The following GPC5 variants were observed in gnomAD, a reference collection of about 807,000 sequenced individuals.
GPC5 encodes glypican-5.
GPC5 carries 47 observed loss-of-function variants against 53.9 expected under a neutral mutation model. The ratio of observed to expected loss-of-function variants is 0.87; its 90% CI spans 0.69 to 1.11. The LOEUF (loss-of-function observed/expected upper bound fraction) is 1.11, where lower values mean the gene tolerates loss of function less well. Ranked by LOEUF, GPC5 falls within the 50% of genes most tolerant of loss-of-function variation. GPC5 has a pLI of 0.00. For missense variants in GPC5, 748 were observed against 713.1 expected (o/e 1.05, Z -0.56); for synonymous variants, 286 against 263.3 (o/e 1.09, Z -0.84).
At chr13:92,677,661 T>C (rs1886991887) in intron 7 of GPC5, among the ~76,000 whole-genome samples, 1 of 152,054 alleles carries the variant, frequency 6.6e-6, no homozygotes, top group Non-Finnish European at 1.5e-5. Context: ...AAGAAAGAAA[T>C]CAGAACAGAC....
intron 2 of GPC5, among the ~76,000 whole-genome samples, chr13:91,490,968 T>A (rs764115249): frequency 6.6e-6 from 1 of 152,106 alleles, no homozygotes; most frequent in Non-Finnish European, 1.5e-5. Context: ...TCCCCCACCA[T>A]AGGTCCTTCA....
At chr13:92,094,574 A>AT (rs1291170444) in intron 6 of GPC5, among the ~76,000 whole-genome samples, 1 of 149,704 alleles carries the variant, frequency 6.7e-6, no homozygotes, top group Admixed American at 6.7e-5. Context: ...CATTTATATT[A>AT]TTTTCAAAAA....
chr13:92,664,739 A>G (rs1174922149), intron 7 of GPC5, among the ~76,000 whole-genome samples: 1 of 152,186 alleles, frequency 6.6e-6, no homozygotes, highest in Non-Finnish European at 1.5e-5. Context: ...TGAGACTATA[A>G]TAGGTCCAAA....
chr13:92,578,768 T>C (rs963282497), intron 7 of GPC5, among the ~76,000 whole-genome samples: 2 of 152,218 alleles, frequency 1.3e-5, no homozygotes, highest in African/African-American at 4.8e-5. Flanking sequence ...TTTTGCCAGC[T>C]ATCTGTGTAT....
chr13:92,485,412 C>T (rs756141682), intron 7 of GPC5, among the ~76,000 whole-genome samples: 14 of 151,920 alleles, frequency 9.2e-5, no homozygotes, highest in Non-Finnish European at 2.1e-4. Flanking sequence ...AAGGCATAGC[C>T]TTTACTCTCA....
At chr13:92,464,419 GA>G in intron 7 of GPC5, among the ~76,000 whole-genome samples, 1 of 152,190 alleles carries the variant, frequency 6.6e-6, no homozygotes. Flanking sequence ...TAAATTTGTG[GA>G]TAAGTAAATA....
intron 4 of GPC5, among the ~76,000 whole-genome samples, chr13:91,741,139 G>A (rs943148620): frequency 2.0e-5 from 3 of 151,788 alleles, no homozygotes; most frequent in African/African-American, 7.3e-5. Flanking sequence ...CTATCAGACA[G>A]GATTTTGATG....
chr13:92,260,309 T>C (rs1453601256), intron 7 of GPC5, among the ~76,000 whole-genome samples: 1 of 152,170 alleles, frequency 6.6e-6, no homozygotes, highest in East Asian at 1.9e-4. Context: ...CTAAGCCCCT[T>C]CTTGGAAACT....
intron 6 of GPC5, among the ~76,000 whole-genome samples, chr13:91,983,308 T>G (rs2040377363): frequency 6.6e-6 from 1 of 150,952 alleles, no homozygotes; most frequent in South Asian, 2.1e-4. Context: ...ATAGCGCCAC[T>G]GCACTTCAGC....
At chr13:91,457,840 TC>T (rs1486554235) in intron 2 of GPC5, among the ~76,000 whole-genome samples, 9 of 151,774 alleles carry the variant, frequency 5.9e-5, no homozygotes, top group Non-Finnish European at 1.5e-5. Flanking sequence ...TGGTAGGAGG[TC>T]CATTCATCCA....
chr13:92,584,042 C>A (rs991673286), intron 7 of GPC5, among the ~76,000 whole-genome samples: 12 of 152,054 alleles, frequency 7.9e-5, no homozygotes, highest in African/African-American at 2.9e-4. Flanking sequence ...GTGAATTGCC[C>A]AATTTTAGAT....
intron 7 of GPC5, among the ~76,000 whole-genome samples, chr13:92,155,591 AT>A (rs2041938601): frequency 6.6e-6 from 1 of 152,008 alleles, no homozygotes; most frequent in Non-Finnish European, 1.5e-5. Flanking sequence ...AATTTTCTTT[AT>A]CTTCAGCTTT....
intron 6 of GPC5, among the ~76,000 whole-genome samples, chr13:91,979,997 G>A (rs2040342833): frequency 6.6e-6 from 1 of 152,134 alleles, no homozygotes; most frequent in Admixed American, 6.5e-5. Context: ...AGCAGTGGAG[G>A]AGATGAAGCA....
chr13:92,404,563 A>G (rs528319931), intron 7 of GPC5, among the ~76,000 whole-genome samples: 20 of 152,356 alleles, frequency 1.3e-4, no homozygotes, highest in Non-Finnish European at 2.5e-4. Context: ...TAATTTTTAA[A>G]TTGCAATACA....
intron 7 of GPC5, among the ~76,000 whole-genome samples, chr13:92,385,423 T>TAC (rs2043789428): frequency 1.4e-5 from 1 of 72,000 alleles, no homozygotes; most frequent in African/African-American, 5.5e-5. Context: ...TATATATACA[T>TAC]ATATACATAT....
intron 3 of GPC5, 75 bp downstream of exon 3, chr13:91,693,956 G>A (rs2035824368): frequency 2.8e-6 from 3 of 1,076,922 alleles, no homozygotes; most frequent in Non-Finnish European, 4.0e-6. Context: ...TTAGGAAATA[G>A]TAGGAGAATG....
chr13:92,628,730 A>C (rs7999205), intron 7 of GPC5, among the ~76,000 whole-genome samples: 69,152 of 151,816 alleles, frequency 0.46, 16,205 homozygotes, highest in East Asian at 0.72. Context: ...AAGTGTTCAA[A>C]CCCCTGACTC....
intron 7 of GPC5, among the ~76,000 whole-genome samples, chr13:92,572,403 CA>C (rs1883057231): frequency 6.6e-6 from 1 of 152,066 alleles, no homozygotes; most frequent in Non-Finnish European, 1.5e-5. Flanking sequence ...GGCCTTTCGC[CA>C]AAAGCTGAAT....
chr13:91,559,858 TA>T (rs1217819571), intron 2 of GPC5, among the ~76,000 whole-genome samples: 1 of 152,060 alleles, frequency 6.6e-6, no homozygotes, highest in African/African-American at 2.4e-5. Context: ...TACTCCAGGG[TA>T]ACAGGTACAG....
Sources: gnomAD v4.1 joint callset for allele counts (sites outside exome capture counted in the v4.1 genomes callset) on GRCh38, gnomAD v4.1.1 for gene constraint, MANE v1.5 for transcripts, NCBI Gene and HGNC (gene_info 2026-07-23, HGNC 2026-07-21) for gene names.